KIRREL1: variants seen among roughly 807,000 people sequenced by gnomAD.
KIRREL1 encodes the protein kin of IRRE-like protein 1.
Under a neutral mutation model 83.3 loss-of-function variants are expected in KIRREL1, and 25 were observed. That is an observed-to-expected ratio of 0.30 (90% confidence interval 0.22 to 0.42). The LOEUF is 0.42. Ranked by LOEUF, KIRREL1 falls within the 10% of genes least tolerant of loss-of-function variation. The pLI is 1.00. For missense variants in KIRREL1, 812 were observed against 1,032.3 expected (o/e 0.79, Z 2.92); for synonymous variants, 388 against 410.4 (o/e 0.95, Z 0.66).
At chr1:158,087,630 A>T (rs7514301) in intron 5 of KIRREL1, 125 bp from the exon 6 acceptor site, 361,435 of 652,790 alleles carry the variant, frequency 0.55, 105,838 homozygotes, top group East Asian at 0.67. Context: ...ACTGGAGCCG[A>T]TACACTGCAA....
intron 1 of KIRREL1, among the ~76,000 whole-genome samples, chr1:158,067,553 A>G (rs1458850275): frequency 6.6e-6 from 1 of 152,218 alleles, no homozygotes; most frequent in Admixed American, 6.5e-5. Flanking sequence ...AGAGATGGGA[A>G]GGCCCTTGGG....
chr1:158,038,658 T>C (rs1660540869), intron 1 of KIRREL1, among the ~76,000 whole-genome samples: 2 of 151,990 alleles, frequency 1.3e-5, no homozygotes, highest in African/African-American at 4.8e-5. Flanking sequence ...TGCTTCCTAG[T>C]GTGTGGTAGG....
chr1:158,091,042 G>A (rs1247000954), intron 10 of KIRREL1, among the ~76,000 whole-genome samples: 1 of 152,186 alleles, frequency 6.6e-6, no homozygotes, highest in East Asian at 1.9e-4. Flanking sequence ...GATGAAAATA[G>A]AGATTCTCCT....
intron 1 of KIRREL1, among the ~76,000 whole-genome samples, chr1:158,036,165 T>G (rs1200505880): frequency 6.6e-6 from 1 of 152,222 alleles, no homozygotes; most frequent in African/African-American, 2.4e-5. Flanking sequence ...GCAAGTAGAC[T>G]ACGGTGCAAA....
At chr1:158,074,818 AG>A (rs1661629937) in intron 1 of KIRREL1, among the ~76,000 whole-genome samples, 1 of 152,264 alleles carries the variant, frequency 6.6e-6, no homozygotes, top group African/African-American at 2.4e-5. Context: ...GGGTGAGTTA[AG>A]TTTGCTTACA....
chr1:158,068,398 G>A (rs1661413629), intron 1 of KIRREL1, among the ~76,000 whole-genome samples: 1 of 152,180 alleles, frequency 6.6e-6, no homozygotes, highest in African/African-American at 2.4e-5. Context: ...AGGGGGTTAA[G>A]GGTCTCTAAA....
chr1:158,093,487 T>A, intron 12 of KIRREL1, 41 bp downstream of exon 12: 1 of 1,601,024 alleles, frequency 6.2e-7, no homozygotes, highest in Non-Finnish European at 8.6e-7. Flanking sequence ...TTCCCCTGGC[T>A]CTTCCAGGGC....
intron 3 of KIRREL1, among the ~76,000 whole-genome samples, chr1:158,082,034 T>G (rs1008915573): frequency 6.6e-6 from 1 of 152,110 alleles, no homozygotes; most frequent in African/African-American, 2.4e-5. Context: ...TTTATTCATT[T>G]CTCTCCACCT....
rs569778912 is a variant in KIRREL1 at position 158,097,984 on chromosome 1, G to A, written c.*2864G>A. 163 of 152,330 alleles carry A rather than the reference G, an allele frequency of 1.1e-3. No homozygotes were observed. The highest frequency in any genetic ancestry group is 3.8e-3 in the African/African-American group (158 of 41,574). 9.4% of individuals were successfully genotyped at this position (152,330 alleles called of 1,614,324 possible). On this transcript the variant is annotated 3_prime_UTR_variant, in exon 15 of 15. Transcript: ENST00000359209. ...TGGTTTTGTTATACCCATAGGGTTG[G>A]GGGTAGGGATGGGACTGCCCATTGC...
intron 1 of KIRREL1, among the ~76,000 whole-genome samples, chr1:158,027,095 A>G (rs1660194906): frequency 6.6e-6 from 1 of 152,044 alleles, no homozygotes; most frequent in South Asian, 2.1e-4. Context: ...TCCAATATCA[A>G]TCGCAAGCCC....
intron 1 of KIRREL1, among the ~76,000 whole-genome samples, chr1:158,062,789 T>C (rs1661249154): frequency 6.6e-6 from 1 of 152,220 alleles, no homozygotes; most frequent in African/African-American, 2.4e-5. Context: ...CCCCAAACAT[T>C]ATCAGGCTGA....
chr1:158,093,235 C>T, intron 11 of KIRREL1, 104 bp from the exon 12 acceptor site: 1 of 901,808 alleles, frequency 1.1e-6, no homozygotes, highest in Non-Finnish European at 1.8e-6. Flanking sequence ...TGTACACAAG[C>T]CAAGGTTGCC....
chr1:158,051,876 TC>T (rs1370894074), intron 1 of KIRREL1, among the ~76,000 whole-genome samples: 2 of 152,166 alleles, frequency 1.3e-5, no homozygotes, highest in Non-Finnish European at 2.9e-5. Context: ...GAAAATGACC[TC>T]CCTTCCTCTC....
At position 158,100,230 on chromosome 1, in the gene KIRREL1, T is replaced by A. The variant is rs377360887; in HGVS notation, c.*5110T>A. The A allele has an allele frequency of 1.1e-4, 16 of 149,142 alleles. No homozygotes were observed. The highest frequency in any genetic ancestry group is 2.1e-4 in the South Asian group (1 of 4,788). The allele number at this position is 149,142 out of a possible 1,614,324, so 9.2% of individuals were successfully genotyped here. A position where few individuals can be genotyped will look rare whatever the true frequency, so the allele number is the denominator to read the frequency against. On this transcript the variant is annotated 3_prime_UTR_variant, in exon 15 of 15. Coordinates refer to ENST00000359209, the MANE Select transcript of KIRREL1 (RefSeq NM_018240.7). ...TATATATTATATATATTTAATTTTT[T>A]TATATATATAAATATAAATGTTTTA...
chr1:158,001,555 A>G (rs1328976606), intron 1 of KIRREL1, among the ~76,000 whole-genome samples: 1 of 152,192 alleles, frequency 6.6e-6, no homozygotes, highest in Non-Finnish European at 1.5e-5. Flanking sequence ...TGTGCAGGTC[A>G]GAGCTAGAGA....
chr1:158,039,965 T>C (rs1660580956), intron 1 of KIRREL1, among the ~76,000 whole-genome samples: 1 of 152,230 alleles, frequency 6.6e-6, no homozygotes, highest in South Asian at 2.1e-4. Context: ...CATCTCCTTG[T>C]GGGCTGTTGA....
chr1:158,070,145 C>G (rs1276831594), intron 1 of KIRREL1, among the ~76,000 whole-genome samples: 3 of 152,112 alleles, frequency 2.0e-5, no homozygotes, highest in Non-Finnish European at 4.4e-5. Context: ...AGGAGGTAAA[C>G]AGGGTTAAGA....
intron 1 of KIRREL1, among the ~76,000 whole-genome samples, chr1:158,046,188 A>T (rs891345557): frequency 7.2e-5 from 11 of 152,242 alleles, no homozygotes; most frequent in African/African-American, 2.7e-4. Flanking sequence ...CACCATTGGC[A>T]TGCCTAGAGT....
At chr1:158,059,177 C>T (rs1274069086) in intron 1 of KIRREL1, among the ~76,000 whole-genome samples, 1 of 152,202 alleles carries the variant, frequency 6.6e-6, no homozygotes, top group East Asian at 1.9e-4. Flanking sequence ...TTGGTTCTGC[C>T]TTCCAAACTG....
Sources: gnomAD v4.1 joint callset for allele counts (sites outside exome capture counted in the v4.1 genomes callset) on GRCh38, gnomAD v4.1.1 for gene constraint, MANE v1.5 for transcripts, NCBI Gene and HGNC (gene_info 2026-07-23, HGNC 2026-07-21) for gene names.